Variants in ASTN2 observed in about 807,000 individuals in gnomAD.
The protein encoded by ASTN2 is astrotactin 2, also known as astrotactin-2.
In ASTN2, 54 loss-of-function variants were observed where a neutral mutation model predicts 139.8. That is an observed-to-expected ratio of 0.39 (90% CI 0.31 to 0.48). ASTN2 has a LOEUF of 0.48. Ranked by LOEUF, ASTN2 falls within the 20% of genes least tolerant of loss-of-function variation. The pLI is 0.95. For synonymous variants in ASTN2, 756 were observed against 719.5 expected (o/e 1.05, Z -0.81); for missense variants, 1,565 against 1,725.1 (o/e 0.91, Z 1.64).
chr9:116,820,834 C>T, intron 11 of ASTN2, 51 bp from the exon 12 acceptor site: 2 of 1,536,154 alleles, frequency 1.3e-6, no homozygotes, highest in South Asian at 1.2e-5. Flanking sequence ...GGTTGTAGGC[C>T]CCATCACACC....
chr9:116,833,743 A>G (rs1046005833), intron 11 of ASTN2, among the ~76,000 whole-genome samples: 2 of 152,190 alleles, frequency 1.3e-5, no homozygotes, highest in East Asian at 1.9e-4. Context: ...TGTTATATCT[A>G]TTATGGGCTG....
intron 5 of ASTN2, among the ~76,000 whole-genome samples, chr9:117,093,921 T>G (rs1424728033): frequency 6.6e-6 from 1 of 152,140 alleles, no homozygotes; most frequent in Non-Finnish European, 1.5e-5. Context: ...TTCCCTTCCT[T>G]GTTGTCTCCT....
Position 116,725,965 on chromosome 9 carries a change from A to T in ASTN2, c.2627-15T>A. Reference sequence around the variant, plus strand: ...ATTAGTGAAGCCTGGACAAGAGAGGAGCATGTGGAGGTGGTCAGATGTGAG... The same window carrying T: ...ATTAGTGAAGCCTGGACAAGAGAGGTGCATGTGGAGGTGGTCAGATGTGAG... On this transcript the variant is annotated splice_polypyrimidine_tract_variant and intron_variant, in intron 15 of 22. Coordinates refer to ENST00000313400, the MANE Select transcript of ASTN2 (RefSeq NM_001365068.1). 1 of 1,605,118 alleles carries T rather than the reference A, an allele frequency of 6.2e-7. No homozygotes were observed. Among genetic ancestry groups the T allele is most frequent in the Non-Finnish European group, 8.5e-7 (1 of 1,176,606 alleles).
chr9:116,596,457 C>A (rs1334658697), intron 19 of ASTN2, among the ~76,000 whole-genome samples: 1 of 151,500 alleles, frequency 6.6e-6, no homozygotes, highest in Non-Finnish European at 1.5e-5. Context: ...CACACATGTA[C>A]ACACACACAC....
intron 10 of ASTN2, among the ~76,000 whole-genome samples, chr9:116,937,590 G>A (rs1043352655): frequency 2.0e-5 from 3 of 151,994 alleles, no homozygotes; most frequent in Non-Finnish European, 2.9e-5. Flanking sequence ...AATATCTATT[G>A]GTTGAATGAA....
At chr9:116,996,085 TG>T (rs1837006693) in intron 7 of ASTN2, among the ~76,000 whole-genome samples, 1 of 152,116 alleles carries the variant, frequency 6.6e-6, no homozygotes, top group Admixed American at 6.6e-5. Flanking sequence ...CCTCCCACCT[TG>T]AACTCAAGTT....
intron 20 of ASTN2, among the ~76,000 whole-genome samples, chr9:116,462,785 AGCATGTGTGTGTGTGTGTGT>A (rs1208881253): frequency 9.8e-6 from 1 of 102,076 alleles, no homozygotes; most frequent in African/African-American, 4.0e-5. Context: ...GTGTTGGGTG[AGCATGTGTGTGTGTGTGTGT>A]GTGTGTGTGT....
At chr9:117,200,629 T>G (rs1369330401) in intron 3 of ASTN2, among the ~76,000 whole-genome samples, 1 of 152,188 alleles carries the variant, frequency 6.6e-6, no homozygotes, top group Admixed American at 6.5e-5. Flanking sequence ...TCATGTGGTT[T>G]TTGTCTTTAG....
intron 2 of ASTN2, among the ~76,000 whole-genome samples, chr9:117,279,039 T>C (rs1024317553): frequency 6.6e-6 from 1 of 152,244 alleles, no homozygotes; most frequent in African/African-American, 2.4e-5. Context: ...CTGGAGTTTT[T>C]AAAACGCTTT....
chr9:116,832,299 T>C (rs115630462), intron 11 of ASTN2, among the ~76,000 whole-genome samples: 2 of 152,164 alleles, frequency 1.3e-5, no homozygotes, highest in African/African-American at 2.4e-5. Flanking sequence ...GGGTAAGTCT[T>C]ATAGTCTTAT....
At chr9:116,947,318 T>G (rs1835426045) in intron 10 of ASTN2, among the ~76,000 whole-genome samples, 1 of 152,226 alleles carries the variant, frequency 6.6e-6, no homozygotes, top group South Asian at 2.1e-4. Flanking sequence ...TGTGAACGTC[T>G]CACAGAGACA....
At chr9:117,370,419 T>TA (rs1267280932) in intron 1 of ASTN2, among the ~76,000 whole-genome samples, 1 of 152,100 alleles carries the variant, frequency 6.6e-6, no homozygotes, top group African/African-American at 2.4e-5. Context: ...CTCAGGGTGG[T>TA]ACTGGGAGAA....
chr9:117,020,532 A>G (rs1205295059), intron 6 of ASTN2, among the ~76,000 whole-genome samples: 1 of 152,076 alleles, frequency 6.6e-6, no homozygotes, highest in East Asian at 1.9e-4. Context: ...ATACTCATTT[A>G]TCTTCCTTCC....
intron 2 of ASTN2, among the ~76,000 whole-genome samples, chr9:117,258,723 A>G (rs1833751190): frequency 6.6e-6 from 1 of 151,660 alleles, no homozygotes; most frequent in African/African-American, 2.4e-5. Flanking sequence ...AACCACTTCC[A>G]CTCCCTAAAA....
intron 1 of ASTN2, among the ~76,000 whole-genome samples, chr9:117,386,352 G>A (rs1416266317): frequency 6.6e-6 from 1 of 152,148 alleles, no homozygotes; most frequent in Non-Finnish European, 1.5e-5. Context: ...CAGCCTCCAG[G>A]TTAAATGGAG....
intron 10 of ASTN2, among the ~76,000 whole-genome samples, chr9:116,892,558 G>A (rs573316354): frequency 1.3e-5 from 2 of 152,108 alleles, no homozygotes; most frequent in Non-Finnish European, 2.9e-5. Flanking sequence ...AAGCCAAGCT[G>A]GTCCCGGTCA....
At chr9:116,829,354 A>G (rs551880094) in intron 11 of ASTN2, among the ~76,000 whole-genome samples, 2 of 151,638 alleles carry the variant, frequency 1.3e-5, no homozygotes, top group African/African-American at 4.8e-5. Flanking sequence ...ATAAAGCCAC[A>G]TACCTACAAC....
intron 6 of ASTN2, among the ~76,000 whole-genome samples, chr9:117,037,389 C>T (rs9697197): frequency 0.17 from 26,457 of 152,092 alleles, 3,146 homozygotes; most frequent in African/African-American, 0.34. Context: ...GTCTGAAAAT[C>T]TGATGACCAT....
intron 2 of ASTN2, among the ~76,000 whole-genome samples, chr9:117,278,951 G>A (rs1201523717): frequency 6.6e-6 from 1 of 152,184 alleles, no homozygotes; most frequent in Admixed American, 6.5e-5. Flanking sequence ...TCAACCTGCT[G>A]TAAGACATCG....
Sources: allele counts gnomAD v4.1 joint callset (sites outside exome capture counted in the v4.1 genomes callset), GRCh38; gene constraint gnomAD v4.1.1; transcripts MANE v1.5; gene names NCBI Gene and HGNC (gene_info 2026-07-23, HGNC 2026-07-21).